The following ACAD11 variants were observed in gnomAD, a reference collection of about 807,000 sequenced individuals.
The protein encoded by ACAD11 is acyl-Coenzyme A dehydrogenase family, member 11.
ACAD11 carries 83 observed loss-of-function variants against 102.2 expected under a neutral mutation model. The ratio of observed to expected loss-of-function variants is 0.81; its 90% CI spans 0.68 to 0.97. The LOEUF (loss-of-function observed/expected upper bound fraction) is 0.97, where lower values mean the gene tolerates loss of function less well. Among genes scored for constraint, ACAD11 ranks in the 50% least tolerant of loss-of-function variants. The pLI is 0.00. For synonymous variants in ACAD11, 324 were observed against 319.8 expected (o/e 1.01, Z -0.14); for missense variants, 901 against 951.7 (o/e 0.95, Z 0.70).
intron 11 of ACAD11, among the ~76,000 whole-genome samples, chr3:132,605,728 G>A (rs1024969439): frequency 6.6e-6 from 1 of 152,076 alleles, no homozygotes; most frequent in East Asian, 1.9e-4. Flanking sequence ...AAATTCCTGC[G>A]TATGAGCCAC....
intron 11 of ACAD11, among the ~76,000 whole-genome samples, chr3:132,608,087 C>T (rs1202190397): frequency 1.3e-5 from 2 of 152,180 alleles, no homozygotes; most frequent in African/African-American, 4.8e-5. Flanking sequence ...GACATTTTGT[C>T]ACCACCAGGC....
At chr3:132,613,554 G>A (rs1939262680) in intron 11 of ACAD11, among the ~76,000 whole-genome samples, 1 of 152,062 alleles carries the variant, frequency 6.6e-6, no homozygotes, top group Admixed American at 6.6e-5. Context: ...GATAGGAAGA[G>A]AGGAAGTCAA....
intron 11 of ACAD11, among the ~76,000 whole-genome samples, chr3:132,605,517 C>T (rs977546836): frequency 6.6e-6 from 1 of 152,194 alleles, no homozygotes; most frequent in Admixed American, 6.5e-5. Context: ...TGGCCTAAAC[C>T]TTGCCTGCTG....
intron 5 of ACAD11, 88 bp from the exon 6 acceptor site, chr3:132,631,567 T>C (rs1311144922): frequency 1.9e-6 from 2 of 1,066,418 alleles, no homozygotes; most frequent in Non-Finnish European, 2.5e-6. Context: ...ACATTCAAAA[T>C]CATGTTTTCC....
chr3:132,653,649 C>T (rs1252507459), intron 1 of ACAD11, among the ~76,000 whole-genome samples: 2 of 152,162 alleles, frequency 1.3e-5, no homozygotes, highest in Non-Finnish European at 2.9e-5. Context: ...AGAGATTACA[C>T]GTCCTCCTCC....
intron 11 of ACAD11, among the ~76,000 whole-genome samples, chr3:132,606,821 G>A (rs995340773): frequency 3.3e-5 from 5 of 152,188 alleles, no homozygotes; most frequent in African/African-American, 9.7e-5. Flanking sequence ...CCTGACCCCC[G>A]TGCCTTCTGA....
chr3:132,578,849 A>C lies in ACAD11; in HGVS notation c.1721T>G (p.Met574Arg). ...TATTATTTTTACTCCAGGTGTGTTC[A>C]TGGGAACAAGAATCATGCTGTGCTG... ...HKQHSMILVPMNTPGVKIIRP... is the reference protein window; with the variant it reads ...HKQHSMILVPRNTPGVKIIRP... Residue 574 changes from methionine (M) to arginine (R), a missense_variant, in exon 15 of 20, where the codon ATG (methionine) becomes AGG (arginine). Transcript: ENST00000264990. 6.2e-7 allele frequency: 1 copy of C among 1,613,136 alleles called. No individual in the cohort carries two copies. The highest frequency in any genetic ancestry group is 1.7e-5 in the Admixed American group (1 of 59,972).
rs1340335140 is a variant in ACAD11 at position 132,597,710 on chromosome 3, ACT to A, written c.1621+5517_1621+5518del. ...CATTTCTGCAAATAATTCCATTTCT[ACT>A]CTTTTTTACTCACATTTTTAGTAAG... On this transcript the variant is annotated intron_variant, in intron 13 of 19. Coordinates refer to ENST00000264990, the MANE Select transcript of ACAD11 (RefSeq NM_032169.5). Among the ~76,000 whole-genome samples, 5 of 151,672 alleles carry A rather than the reference ACT, an allele frequency of 3.3e-5. No homozygotes were observed. The East Asian group carries it at 9.7e-4, about 29-fold the overall frequency.
chr3:132,565,565 A>G (rs1029186220), intron 17 of ACAD11, among the ~76,000 whole-genome samples: 1 of 152,194 alleles, frequency 6.6e-6, no homozygotes, highest in African/African-American at 2.4e-5. Context: ...CCATAATACC[A>G]AAAACCTGGA....
chr3:132,629,950 T>A (rs1939971787), intron 7 of ACAD11, among the ~76,000 whole-genome samples: 1 of 152,082 alleles, frequency 6.6e-6, no homozygotes, highest in Non-Finnish European at 1.5e-5. Context: ...AATATGACGA[T>A]GAAAATAAAA....
intron 11 of ACAD11, among the ~76,000 whole-genome samples, chr3:132,607,912 C>T (rs1434178891): frequency 2.0e-5 from 3 of 152,210 alleles, no homozygotes; most frequent in African/African-American, 4.8e-5. Flanking sequence ...ATCAGACTAA[C>T]AGTAGATTTC....
intron 13 of ACAD11, among the ~76,000 whole-genome samples, chr3:132,587,967 C>G (rs1171144672): frequency 1.3e-5 from 2 of 152,168 alleles, no homozygotes; most frequent in Non-Finnish European, 2.9e-5. Context: ...ATACCCACCT[C>G]ATTTCCCAGC....
At chr3:132,578,537 T>C (rs767390409) in intron 15 of ACAD11, 51 of 158,826 alleles carry the variant, frequency 3.2e-4, no homozygotes, top group Non-Finnish European at 3.8e-4. Context: ...TTAAATACAA[T>C]CTGCCCTTTC....
chr3:132,619,946 T>G (rs541422011), intron 9 of ACAD11, among the ~76,000 whole-genome samples: 1 of 152,312 alleles, frequency 6.6e-6, no homozygotes, highest in East Asian at 1.9e-4. Context: ...ACTCTTCAAG[T>G]GTGAGCACAC....
At position 132,659,742 on chromosome 3, in the gene ACAD11, C is replaced by G; in HGVS notation, c.10G>C (p.Gly4Arg). Reference sequence around the variant, plus strand: ...GCCAAATCGGACTCGCCAGTAGCACCTGGCTTCATGATCACCCCCGCAGGC... The same window carrying G: ...GCCAAATCGGACTCGCCAGTAGCACGTGGCTTCATGATCACCCCCGCAGGC... MKP[G>R]ATGESDLAEV... Residue 4 changes from glycine (G) to arginine (R), a missense_variant, in exon 1 of 20, where the codon GGT (glycine) becomes CGT (arginine). Transcript: ENST00000264990. 6.2e-7 allele frequency: 1 copy of G among 1,602,086 alleles called. No homozygotes were observed. The highest frequency in any genetic ancestry group is 8.5e-7 in the Non-Finnish European group (1 of 1,173,282).
chr3:132,563,843 CT>C (rs1576543615), intron 17 of ACAD11, among the ~76,000 whole-genome samples: 2 of 152,134 alleles, frequency 1.3e-5, no homozygotes, highest in East Asian at 3.9e-4. Flanking sequence ...GGTGAACATT[CT>C]TGCCTCATTT....
At chr3:132,578,606 T>C (rs1937555774) in intron 15 of ACAD11, 190 bp downstream of exon 15, 2 of 244,588 alleles carry the variant, frequency 8.2e-6, no homozygotes, top group Admixed American at 1.1e-4. Context: ...ATAAATTACA[T>C]AAATGCTATA....
At chr3:132,569,152 TA>T (rs922563138) in intron 17 of ACAD11, among the ~76,000 whole-genome samples, 10 of 149,340 alleles carry the variant, frequency 6.7e-5, no homozygotes, top group African/African-American at 1.5e-4. Flanking sequence ...AAATTCAAAG[TA>T]AAAAAAAAGT....
intron 13 of ACAD11, among the ~76,000 whole-genome samples, chr3:132,594,442 A>G (rs1427192587): frequency 6.6e-6 from 1 of 152,198 alleles, no homozygotes; most frequent in Non-Finnish European, 1.5e-5. Flanking sequence ...CCATTGCTAA[A>G]CTTTATGTCT....
Sources: gnomAD v4.1 joint callset for allele counts (sites outside exome capture counted in the v4.1 genomes callset) on GRCh38, gnomAD v4.1.1 for gene constraint, MANE v1.5 for transcripts, NCBI Gene and HGNC (gene_info 2026-07-23, HGNC 2026-07-21) for gene names.